The following TMTC1 variants were observed in gnomAD, a reference collection of about 807,000 sequenced individuals.
The protein encoded by TMTC1 is protein O-mannosyl-transferase TMTC1.
TMTC1 carries 73 observed loss-of-function variants against 104.8 expected under a neutral mutation model. The ratio of observed to expected loss-of-function variants is 0.70; its 90% CI spans 0.58 to 0.85. TMTC1 has a LOEUF of 0.85. TMTC1 is among the 40% of genes least tolerant of loss of function. The pLI, the probability that TMTC1 is intolerant of heterozygous loss-of-function variation, is 0.00. For missense variants in TMTC1, 1,035 were observed against 1,096.1 expected (o/e 0.94, Z 0.79); for synonymous variants, 434 against 428.7 (o/e 1.01, Z -0.15).
chr12:29,745,417 G>T (rs576709883), intron 5 of TMTC1, among the ~76,000 whole-genome samples: 1 of 152,192 alleles, frequency 6.6e-6, no homozygotes, highest in Non-Finnish European at 1.5e-5. Context: ...AAGGTCAAGA[G>T]TTCAAGACCA....
intron 5 of TMTC1, among the ~76,000 whole-genome samples, chr12:29,723,783 T>C (rs1286811840): frequency 6.6e-6 from 1 of 152,154 alleles, no homozygotes; most frequent in East Asian, 1.9e-4. Context: ...AAATTTAATC[T>C]GTGACAGTTT....
At chr12:29,694,592 A>C (rs1345551328) in intron 5 of TMTC1, among the ~76,000 whole-genome samples, 1 of 151,984 alleles carries the variant, frequency 6.6e-6, no homozygotes, top group Non-Finnish European at 1.5e-5. Flanking sequence ...GGCTGGCTGC[A>C]TTAAAGTTTC....
chr12:29,678,188 A>T (rs766910475), intron 5 of TMTC1, among the ~76,000 whole-genome samples: 1 of 152,232 alleles, frequency 6.6e-6, no homozygotes, highest in Non-Finnish European at 1.5e-5. Flanking sequence ...AATCAAAACT[A>T]ATATTTCAAA....
At chr12:29,520,854 T>C (rs1944131317) in intron 11 of TMTC1, 134 bp from the exon 12 acceptor site, 3 of 656,364 alleles carry the variant, frequency 4.6e-6, no homozygotes, top group Non-Finnish European at 5.1e-6. Context: ...GCTACTGAGA[T>C]AAGGCACTAT....
chr12:29,624,503 A>G lies in TMTC1; in HGVS notation c.1128+8644T>C, dbSNP rs1937867859. Among the ~76,000 whole-genome samples, 4 of 152,144 alleles carry G rather than the reference A, an allele frequency of 2.6e-5. No homozygotes were observed. The South Asian group carries it at 8.3e-4, about 31-fold the overall frequency. On this transcript the variant is annotated intron_variant, in intron 6 of 17. Transcript: ENST00000539277. Reference sequence around the variant, plus strand: ...CTTAATCACACTGATGTCAACTCATATGGCTGTACCCAGCCCACTTGGCTC... The same window carrying G: ...CTTAATCACACTGATGTCAACTCATGTGGCTGTACCCAGCCCACTTGGCTC...
chr12:29,625,489 A>C (rs1937937975), intron 6 of TMTC1, among the ~76,000 whole-genome samples: 1 of 152,234 alleles, frequency 6.6e-6, no homozygotes, highest in African/African-American at 2.4e-5. Flanking sequence ...GTAAGTGGCC[A>C]AGAATTGCCA....
At chr12:29,705,116 G>A (rs1941704408) in intron 5 of TMTC1, among the ~76,000 whole-genome samples, 1 of 152,136 alleles carries the variant, frequency 6.6e-6, no homozygotes, top group Admixed American at 6.5e-5. Flanking sequence ...CAGGCTGATG[G>A]GAGTTCAGAG....
chr12:29,711,707 C>A (rs1941930524), intron 5 of TMTC1, among the ~76,000 whole-genome samples: 1 of 152,088 alleles, frequency 6.6e-6, no homozygotes, highest in Non-Finnish European at 1.5e-5. Context: ...CTGAGAGTCA[C>A]TTTAAAGAGC....
intron 9 of TMTC1, among the ~76,000 whole-genome samples, chr12:29,568,410 G>GGA (rs776673983): frequency 5.3e-5 from 8 of 152,154 alleles, no homozygotes; most frequent in Non-Finnish European, 1.2e-4. Context: ...GTAAAAGACT[G>GGA]GAGGAGAAAA....
At chr12:29,555,308 T>A (rs1026101088) in intron 10 of TMTC1, among the ~76,000 whole-genome samples, 7 of 151,504 alleles carry the variant, frequency 4.6e-5, no homozygotes, top group African/African-American at 1.7e-4. Flanking sequence ...CGGTAATTTT[T>A]TTTTATTTTT....
intron 11 of TMTC1, among the ~76,000 whole-genome samples, chr12:29,529,650 A>G (rs1210534538): frequency 6.6e-6 from 1 of 152,070 alleles, no homozygotes; most frequent in Non-Finnish European, 1.5e-5. Flanking sequence ...AGATAAAGAC[A>G]CCTGTTTTCT....
At chr12:29,567,668 G>A (rs1290417583) in intron 9 of TMTC1, among the ~76,000 whole-genome samples, 1 of 152,166 alleles carries the variant, frequency 6.6e-6, no homozygotes, top group Non-Finnish European at 1.5e-5. Context: ...ATGGCAGCTG[G>A]TATCCAAGTC....
chr12:29,723,585 G>A (rs1254507719), intron 5 of TMTC1, among the ~76,000 whole-genome samples: 4 of 151,938 alleles, frequency 2.6e-5, no homozygotes, highest in Admixed American at 6.6e-5. Flanking sequence ...TTAGTCAGAT[G>A]TCTGTAATCC....
intron 6 of TMTC1, among the ~76,000 whole-genome samples, chr12:29,626,101 T>C (rs1418728732): frequency 6.6e-6 from 1 of 152,212 alleles, no homozygotes; most frequent in Non-Finnish European, 1.5e-5. Flanking sequence ...AGATAATAGA[T>C]ACTGAGTGGC....
intron 5 of TMTC1, among the ~76,000 whole-genome samples, chr12:29,646,799 C>G (rs1939287526): frequency 6.6e-6 from 1 of 152,180 alleles, no homozygotes; most frequent in Admixed American, 6.5e-5. Flanking sequence ...ACCGGGGACA[C>G]AGTTTTTGCC....
chr12:29,607,757 C>G (rs1049736227), intron 6 of TMTC1, among the ~76,000 whole-genome samples: 3 of 152,112 alleles, frequency 2.0e-5, no homozygotes, highest in African/African-American at 7.2e-5. Flanking sequence ...AATATTATCC[C>G]TTCCATCCTC....
At chr12:29,543,875 T>C (rs1012757918) in intron 10 of TMTC1, among the ~76,000 whole-genome samples, 1 of 152,218 alleles carries the variant, frequency 6.6e-6, no homozygotes, top group South Asian at 2.1e-4. Context: ...CTAATTTTTC[T>C]GCTTGACTTT....
chr12:29,515,495 T>C (rs554730489), intron 15 of TMTC1, among the ~76,000 whole-genome samples: 18 of 152,306 alleles, frequency 1.2e-4, no homozygotes, highest in Admixed American at 1.1e-3. Flanking sequence ...GGGCTTTGCA[T>C]GTGCGTTTCC....
chr12:29,751,725 T>C lies in TMTC1; in HGVS notation c.879A>G (p.Pro293=). 6.2e-7 allele frequency: 1 copy of C among 1,614,074 alleles called. No homozygotes were observed. Among genetic ancestry groups the C allele is most frequent in the South Asian group, 1.1e-5 (1 of 91,072 alleles). Residue 293 remains proline, a synonymous_variant, in exon 5 of 18, where the codon CCA becomes CCG. Coordinates refer to ENST00000539277, the MANE Select transcript of TMTC1 (RefSeq NM_001193451.2). ...GAWGGCHSPL[P]PEPKSSGFPV... ...GGAATCCACTGCTCTTGGGTTCTGG[T>C]GGCAGTGGAGAGTGGCAGCCACCCC... is the stretch of plus-strand genomic sequence containing the variant.
Sources: gnomAD v4.1 joint callset for allele counts (sites outside exome capture counted in the v4.1 genomes callset) on GRCh38, gnomAD v4.1.1 for gene constraint, MANE v1.5 for transcripts, NCBI Gene and HGNC (gene_info 2026-07-23, HGNC 2026-07-21) for gene names.